GIT2: variants seen among roughly 807,000 people sequenced by gnomAD.
GIT2 encodes ARF GTPase-activating protein GIT2.
GIT2 carries 32 observed loss-of-function variants against 100.3 expected under a neutral mutation model. The observed-to-expected ratio is 0.32, with a 90% CI of 0.24 to 0.43. The LOEUF is 0.43. Ranked by LOEUF, GIT2 falls within the 20% of genes least tolerant of loss-of-function variation. The pLI, the probability that GIT2 is intolerant of heterozygous loss-of-function variation, is 1.00. For missense variants in GIT2, 737 were observed against 975.1 expected, an observed-to-expected ratio of 0.76 and a Z score of 3.25; for synonymous variants, 353 against 364.1, an observed-to-expected ratio of 0.97 and a Z score of 0.35.
At position 109,931,813 on chromosome 12, in the gene GIT2, C is replaced by T. The variant is rs1283514783; in HGVS notation, c.*1165G>A. 6.6e-6 allele frequency: 1 copy of T among 152,274 alleles called. No individual in the cohort carries two copies. Among genetic ancestry groups the T allele is most frequent in the Admixed American group, 6.5e-5 (1 of 15,294 alleles). 9.4% of individuals were successfully genotyped at this position (152,274 alleles called of 1,614,324 possible). Reference sequence around the variant, plus strand: ...ATCTGAGCATGTTCCAGCACTTCAACCTTACTCTTTCAGAGCTTTGGGGTA... The same window carrying T: ...ATCTGAGCATGTTCCAGCACTTCAATCTTACTCTTTCAGAGCTTTGGGGTA... On this transcript the variant is annotated 3_prime_UTR_variant, in exon 20 of 20. Transcript: ENST00000355312.
chr12:109,984,142 G>T (rs1161680588), intron 4 of GIT2, among the ~76,000 whole-genome samples: 2 of 152,136 alleles, frequency 1.3e-5, no homozygotes, highest in South Asian at 4.1e-4. Flanking sequence ...AGATGCAGTG[G>T]CTCATGCCTG....
At chr12:109,975,696 T>TTTTGATGA (rs1234013037) in intron 7 of GIT2, among the ~76,000 whole-genome samples, 7 of 152,068 alleles carry the variant, frequency 4.6e-5, no homozygotes, top group Non-Finnish European at 8.8e-5. Context: ...TCAAAATATC[T>TTTTGATGA]TTTGATGATT....
At position 109,932,968 on chromosome 12, in the gene GIT2, C is replaced by T; in HGVS notation, c.*10G>A. 1 of 1,544,662 alleles carries T rather than the reference C, an allele frequency of 6.5e-7. No homozygotes were observed. The highest frequency in any genetic ancestry group is 8.9e-7 in the Non-Finnish European group (1 of 1,117,692). On this transcript the variant is annotated 3_prime_UTR_variant, in exon 20 of 20. Coordinates refer to ENST00000355312, the MANE Select transcript of GIT2 (RefSeq NM_057169.5). ...GCCTAGAAAACAGAGGAGGCGGTGC[C>T]CTGCCCTTGTCAGTTGTTGTTCTCT...
In GIT2 at chr12:109,941,290, A is replaced by C. The variant is rs76609790; in HGVS notation, c.1732-2043T>G. On this transcript the variant is annotated intron_variant, in intron 16 of 19. Coordinates refer to ENST00000355312, the MANE Select transcript of GIT2 (RefSeq NM_057169.5). The stretch of plus-strand genomic sequence containing the variant: ...AGTCTGTAAAGCTAATTTCTGTAGA[A>C]TCGACAACTTTGATGATCCCTTTGT... Among the ~76,000 whole-genome samples the C allele has an allele frequency of 1.3e-3, 200 of 152,322 alleles. 1 individual carries two copies. Among genetic ancestry groups the C allele is most frequent in the African/African-American group, 4.6e-3 (192 of 41,570 alleles).
rs1460826799 is a variant in GIT2, at chr12:109,934,003, T to C, written c.2067+19A>G. 1 of 1,352,834 alleles carries C rather than the reference T, an allele frequency of 7.4e-7. No individual in the cohort carries two copies. The highest frequency in any genetic ancestry group is 1.1e-6 in the Non-Finnish European group (1 of 941,564). 83.8% of individuals were successfully genotyped at this position (1,352,834 alleles called of 1,614,324 possible). A position where few individuals can be genotyped will look rare whatever the true frequency, so the allele number is the denominator to read the frequency against. ...TTCATTTAAAAGGATTTAAACCAAGTGAGTAGGAAGTGACTTACTTTGGGG... is the reference window on the plus strand; with the variant it reads ...TTCATTTAAAAGGATTTAAACCAAGCGAGTAGGAAGTGACTTACTTTGGGG... On this transcript the variant is annotated intron_variant, in intron 19 of 19. Transcript: ENST00000355312. This position sits in a 1 kb window ranked among gnomAD's most constrained non-coding sequence, Gnocchi z 4.5.
At position 109,947,557 on chromosome 12, in the gene GIT2, A is replaced by T; in HGVS notation, c.1393-53T>A. 5.2e-6 allele frequency: 8 copies of T among 1,542,954 alleles called. No individual in the cohort carries two copies. The South Asian group carries it at 9.4e-5, about 18-fold the overall frequency. On this transcript the variant is annotated intron_variant, in intron 14 of 19. Transcript: ENST00000355312. The surrounding 1 kb of genome is among the most constrained non-coding windows in gnomAD (Gnocchi z 4.3). ...GTGTTTTTTTACAGCAAGCAGAAAA[A>T]GCAAACACCAAGTAAATGAATACAA... is the stretch of plus-strand genomic sequence containing the variant.
chr12:109,938,783 A>C, intron 17 of GIT2: 1 of 526,734 alleles, frequency 1.9e-6, no homozygotes, highest in Non-Finnish European at 3.3e-6. Flanking sequence ...AGGAAGGGTG[A>C]AGGAGGGGAA....
At chr12:109,945,836 A>G (rs1565944110) in intron 15 of GIT2, among the ~76,000 whole-genome samples, 1 of 152,218 alleles carries the variant, frequency 6.6e-6, no homozygotes, top group Non-Finnish European at 1.5e-5. Context: ...CTATACAAAA[A>G]TAAGATTCTT....
intron 14 of GIT2, among the ~76,000 whole-genome samples, chr12:109,949,895 T>C (rs1393349178): frequency 1.3e-5 from 2 of 152,102 alleles, no homozygotes; most frequent in South Asian, 2.1e-4. Flanking sequence ...TAAAATATAT[T>C]CCAAAGAAGG....
chr12:109,995,702 C>A (rs1221357152), intron 1 of GIT2, among the ~76,000 whole-genome samples: 1 of 152,162 alleles, frequency 6.6e-6, no homozygotes, highest in African/African-American at 2.4e-5. Flanking sequence ...ATGTCAGCAG[C>A]GGGGAAGTCA....
chr12:109,950,419 A>G (rs1565950421), intron 14 of GIT2, among the ~76,000 whole-genome samples: 1 of 152,260 alleles, frequency 6.6e-6, no homozygotes, highest in African/African-American at 2.4e-5. Context: ...AGTCATGGGC[A>G]AAATTTGCAA....
chr12:109,939,444 A>C (rs1873955418), intron 16 of GIT2, 197 bp from the exon 17 acceptor site: 1 of 463,048 alleles, frequency 2.2e-6, no homozygotes, highest in African/African-American at 2.0e-5. Context: ...TCTTTGCACC[A>C]TTTTCTTCTT....
intron 16 of GIT2, among the ~76,000 whole-genome samples, chr12:109,943,548 G>A (rs1875376814): frequency 6.6e-6 from 1 of 152,002 alleles, no homozygotes. Flanking sequence ...TGGCCAGGCT[G>A]GTCTCAAATT....
chr12:109,984,421 A>T (rs1886942918), intron 4 of GIT2, among the ~76,000 whole-genome samples: 1 of 151,964 alleles, frequency 6.6e-6, no homozygotes, highest in Non-Finnish European at 1.5e-5. Context: ...CAAAAAAAAT[A>T]AAAAATAAAA....
At position 109,948,563 on chromosome 12, in the gene GIT2, T is replaced by C; in HGVS notation, c.1393-1059A>G. 2 of 1,377,022 alleles carry C rather than the reference T, an allele frequency of 1.5e-6. No individual in the cohort carries two copies. Among genetic ancestry groups the C allele is most frequent in the Non-Finnish European group, 1.9e-6 (2 of 1,071,448 alleles). The allele number at this position is 1,377,022 out of a possible 1,614,324, so 85.3% of individuals were successfully genotyped here. A position where few individuals can be genotyped will look rare whatever the true frequency, so the allele number is the denominator to read the frequency against. On this transcript the variant is annotated intron_variant, in intron 14 of 19. Transcript: ENST00000355312. The surrounding 1 kb of genome is among the most constrained non-coding windows in gnomAD (Gnocchi z 4.3). ...GTCCATTCTGCGCAGGGTCCTTCCC[T>C]TCTGGTGCGCCTTCATCTTCCATGG...
chr12:109,952,955 T>C (rs1878330503), intron 13 of GIT2, 137 bp downstream of exon 13: 1 of 770,300 alleles, frequency 1.3e-6, no homozygotes, highest in African/African-American at 1.8e-5. Context: ...GATCCCTATT[T>C]TAAAACCATT....
chr12:109,949,449 A>G (rs748237434), intron 14 of GIT2, among the ~76,000 whole-genome samples: 1 of 152,224 alleles, frequency 6.6e-6, no homozygotes, highest in South Asian at 2.1e-4. Flanking sequence ...CATGAGCACA[A>G]GTTCTTGGTT....
intron 16 of GIT2, 61 bp from the exon 17 acceptor site, chr12:109,939,308 C>T: frequency 2.1e-6 from 2 of 953,710 alleles, no homozygotes; most frequent in Middle Eastern, 4.2e-4. Context: ...CAGGAGTCTT[C>T]CCCAGGAATT....
intron 16 of GIT2, among the ~76,000 whole-genome samples, chr12:109,942,490 C>T (rs1431859001): frequency 6.6e-6 from 1 of 152,132 alleles, no homozygotes; most frequent in Non-Finnish European, 1.5e-5. Flanking sequence ...CCCACCGCCA[C>T]ACCTGGCTAA....
Sources: allele counts gnomAD v4.1 joint callset (sites outside exome capture counted in the v4.1 genomes callset), GRCh38; gene constraint gnomAD v4.1.1; non-coding constraint Gnocchi (gnomAD v3.1); transcripts MANE v1.5; gene names NCBI Gene and HGNC (gene_info 2026-07-23, HGNC 2026-07-21).